Variants in ZNF618 observed in about 807,000 individuals in gnomAD.
The protein encoded by ZNF618 is zinc finger protein 618.
ZNF618 carries 34 observed loss-of-function variants against 103.0 expected under a neutral mutation model. The observed-to-expected ratio is 0.33, with a 90% confidence interval of 0.25 to 0.44. The LOEUF is 0.44. ZNF618 is among the 20% of genes least tolerant of loss of function. The probability of loss-of-function intolerance (pLI) is 1.00; values close to 1 mark genes in which losing one functional copy is unlikely to be tolerated. For missense variants in ZNF618, 1,059 were observed against 1,295.4 expected, an observed-to-expected ratio of 0.82 and a Z score of 2.80; for synonymous variants, 551 against 542.2, an observed-to-expected ratio of 1.02 and a Z score of -0.23.
At chr9:113,879,479 C>T (rs76772391) in intron 1 of ZNF618, among the ~76,000 whole-genome samples, 54 of 133,438 alleles carry the variant, frequency 4.0e-4, no homozygotes, top group Admixed American at 9.4e-4. Flanking sequence ...CTATTGGGGG[C>T]GGGGCCAGTT....
intron 3 of ZNF618, among the ~76,000 whole-genome samples, chr9:113,991,253 T>C (rs968168142): frequency 6.6e-6 from 1 of 152,200 alleles, no homozygotes; most frequent in African/African-American, 2.4e-5. Context: ...GGCCTCACTG[T>C]ACCTTAGTGT....
At chr9:113,951,536 T>TGTGC (rs1835729923) in intron 1 of ZNF618, among the ~76,000 whole-genome samples, 2 of 77,008 alleles carry the variant, frequency 2.6e-5, no homozygotes, top group Admixed American at 1.6e-4. Flanking sequence ...CATATGTGTG[T>TGTGC]ACATATGTAC....
intron 1 of ZNF618, among the ~76,000 whole-genome samples, chr9:113,963,171 G>A (rs1433959612): frequency 6.6e-6 from 1 of 152,178 alleles, no homozygotes; most frequent in Non-Finnish European, 1.5e-5. Flanking sequence ...CTCTGGGCAG[G>A]TCCTGGGTTG....
At chr9:113,930,281 C>T (rs1177714117) in intron 1 of ZNF618, among the ~76,000 whole-genome samples, 2 of 152,162 alleles carry the variant, frequency 1.3e-5, no homozygotes, top group East Asian at 3.8e-4. Context: ...GCAGGAAAAG[C>T]GTTGCACATG....
Position 113,998,291 on chromosome 9 carries a change from G to T in ZNF618, c.370G>T (p.Gly124Ter). The change falls in exon 4 of 15, where the codon GGA (glycine) becomes TGA (stop). Residue 124 changes from glycine to a stop codon, truncating the protein, a stop_gained. Coordinates refer to ENST00000374126, the MANE Select transcript of ZNF618 (RefSeq NM_001318042.2). LOFTEE classifies it high-confidence loss of function. The stretch of plus-strand genomic sequence containing the variant: ...AGCGCCCGAAGGCAGCCCCCACGGT[G>T]GATCTGTGCGAAGCCGGTATTCAGG... The part of the protein sequence containing the change: ...GKAPEGSPHG[G>*]SVRSRYSGTW... 1 of 1,550,624 alleles carries T rather than the reference G, an allele frequency of 6.4e-7. No individual in the cohort carries two copies. Among genetic ancestry groups the T allele is most frequent in the Non-Finnish European group, 8.7e-7 (1 of 1,147,014 alleles).
At chr9:113,982,139 A>C (rs2133150499) in intron 2 of ZNF618, among the ~76,000 whole-genome samples, 1 of 152,366 alleles carries the variant, frequency 6.6e-6, no homozygotes, top group Non-Finnish European at 1.5e-5. Context: ...GGAAGATAGT[A>C]ATTTACAAAC....
chr9:114,009,954 G>GCA (rs1373653526), intron 9 of ZNF618, among the ~76,000 whole-genome samples: 1 of 152,224 alleles, frequency 6.6e-6, no homozygotes, highest in East Asian at 1.9e-4. Flanking sequence ...AAAGTGGTCA[G>GCA]CACAGTGCTG....
At chr9:114,012,846 A>G (rs1842368047) in intron 9 of ZNF618, among the ~76,000 whole-genome samples, 1 of 152,180 alleles carries the variant, frequency 6.6e-6, no homozygotes, top group Non-Finnish European at 1.5e-5. Flanking sequence ...CAGTGCTCCT[A>G]AGATCTAATA....
chr9:113,891,485 G>A (rs972862230), intron 1 of ZNF618, among the ~76,000 whole-genome samples: 1 of 152,106 alleles, frequency 6.6e-6, no homozygotes, highest in Admixed American at 6.6e-5. Flanking sequence ...AAAAGTGTTG[G>A]TGAGGATGTG....
At chr9:113,897,310 G>A (rs1459455263) in intron 1 of ZNF618, among the ~76,000 whole-genome samples, 2 of 152,162 alleles carry the variant, frequency 1.3e-5, no homozygotes, top group South Asian at 4.1e-4. Context: ...CAGTACTCAA[G>A]AGATGTTCTG....
intron 1 of ZNF618, among the ~76,000 whole-genome samples, chr9:113,931,825 T>C (rs946266181): frequency 1.3e-5 from 2 of 152,212 alleles, no homozygotes; most frequent in Non-Finnish European, 2.9e-5. Context: ...CACTGTTTCT[T>C]TTTACTTTTT....
At chr9:113,888,261 G>A (rs1829263260) in intron 1 of ZNF618, among the ~76,000 whole-genome samples, 1 of 152,180 alleles carries the variant, frequency 6.6e-6, no homozygotes. Flanking sequence ...GCTGGGACTT[G>A]AGACACGGCT....
At chr9:113,902,572 A>G (rs1318540120) in intron 1 of ZNF618, among the ~76,000 whole-genome samples, 1 of 152,172 alleles carries the variant, frequency 6.6e-6, no homozygotes, top group Non-Finnish European at 1.5e-5. Context: ...TTTTGTGTGC[A>G]TGCTTTAAAA....
At chr9:114,019,336 T>C (rs1216904559) in intron 10 of ZNF618, among the ~76,000 whole-genome samples, 2 of 152,242 alleles carry the variant, frequency 1.3e-5, no homozygotes, top group African/African-American at 4.8e-5. Context: ...GGCATATGTG[T>C]TCATTTCTTT....
chr9:113,920,601 C>T (rs981221076), intron 1 of ZNF618, among the ~76,000 whole-genome samples: 1 of 152,012 alleles, frequency 6.6e-6, no homozygotes, highest in African/African-American at 2.4e-5. Context: ...AGGGTTTCAC[C>T]ATGTTGGCCA....
chr9:114,000,192 G>A (rs1023868982), intron 4 of ZNF618, among the ~76,000 whole-genome samples: 5 of 152,102 alleles, frequency 3.3e-5, no homozygotes, highest in East Asian at 1.9e-4. Context: ...CAGTGGCACC[G>A]GCTCCTGTTC....
At chr9:114,011,588 T>C (rs113191320) in intron 9 of ZNF618, among the ~76,000 whole-genome samples, 5 of 152,274 alleles carry the variant, frequency 3.3e-5, no homozygotes, top group African/African-American at 9.6e-5. Flanking sequence ...TCCTGCTACG[T>C]ATAAGCAGGC....
intron 1 of ZNF618, among the ~76,000 whole-genome samples, chr9:113,890,997 T>C (rs1829569961): frequency 6.6e-6 from 1 of 152,238 alleles, no homozygotes; most frequent in African/African-American, 2.4e-5. Context: ...TCTTTGGATT[T>C]TGGAGATATT....
At chr9:113,965,358 GA>G (rs1224573040) in intron 1 of ZNF618, among the ~76,000 whole-genome samples, 1 of 152,058 alleles carries the variant, frequency 6.6e-6, no homozygotes, top group East Asian at 1.9e-4. Flanking sequence ...TAAGAGAATG[GA>G]AAAGAACAAC....
Sources: allele counts gnomAD v4.1 joint callset (sites outside exome capture counted in the v4.1 genomes callset), GRCh38; gene constraint gnomAD v4.1.1; transcripts MANE v1.5; gene names NCBI Gene and HGNC (gene_info 2026-07-23, HGNC 2026-07-21).